The following LDB2 variants were observed in gnomAD, a reference collection of about 807,000 sequenced individuals.
LDB2 encodes LIM domain-binding protein 2.
A neutral mutation model predicts 44.3 loss-of-function variants in LDB2; 12 were observed. The ratio of observed to expected loss-of-function variants is 0.27; its 90% CI spans 0.17 to 0.44. The LOEUF (loss-of-function observed/expected upper bound fraction) is 0.44. Ranked by LOEUF, LDB2 falls within the 20% of genes least tolerant of loss-of-function variation. The pLI is 1.00. For synonymous variants in LDB2, 164 were observed against 174.8 expected, an observed-to-expected ratio of 0.94 and a Z score of 0.49; for missense variants, 344 against 473.5, an observed-to-expected ratio of 0.73 and a Z score of 2.54.
intron 1 of LDB2, among the ~76,000 whole-genome samples, chr4:16,782,645 C>T (rs568654261): frequency 6.6e-6 from 1 of 152,268 alleles, no homozygotes; most frequent in South Asian, 2.1e-4. Flanking sequence ...CCACCACGCC[C>T]AGCAAAATAA....
chr4:16,664,124 G>T (rs1742368487), intron 2 of LDB2, among the ~76,000 whole-genome samples: 1 of 152,210 alleles, frequency 6.6e-6, no homozygotes, highest in Non-Finnish European at 1.5e-5. Context: ...CAAGATGATG[G>T]TATTAGGAGG....
At chr4:16,801,396 CA>C (rs909809020) in intron 1 of LDB2, among the ~76,000 whole-genome samples, 4 of 151,704 alleles carry the variant, frequency 2.6e-5, no homozygotes, top group African/African-American at 4.8e-5. Flanking sequence ...CAGTGAGACT[CA>C]AAAAAAACTT....
intron 2 of LDB2, among the ~76,000 whole-genome samples, chr4:16,617,105 G>A (rs1727542185): frequency 6.6e-6 from 1 of 152,104 alleles, no homozygotes; most frequent in Non-Finnish European, 1.5e-5. Context: ...AAGGAAGTTG[G>A]AAAGGCAAAG....
intron 5 of LDB2, among the ~76,000 whole-genome samples, chr4:16,520,142 C>G (rs1269903130): frequency 6.6e-6 from 1 of 152,052 alleles, no homozygotes; most frequent in Non-Finnish European, 1.5e-5. Flanking sequence ...CTCCCCGCCG[C>G]CCCACCGCCA....
intron 2 of LDB2, among the ~76,000 whole-genome samples, chr4:16,733,667 G>T (rs899205979): frequency 3.3e-5 from 5 of 152,180 alleles, no homozygotes; most frequent in Non-Finnish European, 7.3e-5. Flanking sequence ...TGGCACCAGC[G>T]AATTCAGGTT....
At chr4:16,699,794 T>C (rs1753025080) in intron 2 of LDB2, among the ~76,000 whole-genome samples, 1 of 152,128 alleles carries the variant, frequency 6.6e-6, no homozygotes, top group South Asian at 2.1e-4. Flanking sequence ...CCTCTCTGAG[T>C]AGGGAACACA....
At chr4:16,622,586 C>T (rs1496750) in intron 2 of LDB2, among the ~76,000 whole-genome samples, 68,335 of 151,986 alleles carry the variant, frequency 0.45, 15,579 homozygotes, top group East Asian at 0.67. Flanking sequence ...TTCAGCTTTT[C>T]CTCTGCAGAT....
intron 1 of LDB2, chr4:16,892,978 T>G (rs1278666896): frequency 2.1e-5 from 9 of 420,286 alleles, no homozygotes; most frequent in Non-Finnish European, 2.9e-5. Flanking sequence ...AATAGTTAGT[T>G]TGCAGCAATT....
At chr4:16,650,708 G>C (rs13117535) in intron 2 of LDB2, among the ~76,000 whole-genome samples, 29,033 of 152,102 alleles carry the variant, frequency 0.19, 2,795 homozygotes, top group South Asian at 0.27. Context: ...AACACATTGA[G>C]AGACACCCCC....
Position 16,579,067 on chromosome 4 carries a change from G to A in LDB2, c.615+6855C>T, listed in dbSNP as rs1713137660. ...AAGGGTCAGGGTGGCGGAAAAGGAG[G>A]ATGGTTAATTGGTGCCCAAACAGAG... On this transcript the variant is annotated intron_variant, in intron 5 of 7. Transcript: ENST00000304523. Among the ~76,000 whole-genome samples the A allele has an allele frequency of 7.2e-5, 11 of 152,292 alleles. No individual in the cohort carries two copies. The South Asian group carries it at 2.3e-3, about 32-fold the overall frequency.
chr4:16,689,455 A>T (rs1750075944), intron 2 of LDB2, among the ~76,000 whole-genome samples: 1 of 152,238 alleles, frequency 6.6e-6, no homozygotes, highest in Non-Finnish European at 1.5e-5. Context: ...GCTATCCAAT[A>T]CAGTTATGCA....
chr4:16,830,255 G>T (rs765674844), intron 1 of LDB2, among the ~76,000 whole-genome samples: 1 of 152,154 alleles, frequency 6.6e-6, no homozygotes, highest in Non-Finnish European at 1.5e-5. Flanking sequence ...TGGATCATGC[G>T]GGTGGTTTCC....
At chr4:16,685,503 A>G (rs1054392337) in intron 2 of LDB2, among the ~76,000 whole-genome samples, 20 of 152,148 alleles carry the variant, frequency 1.3e-4, no homozygotes, top group African/African-American at 4.6e-4. Context: ...CATAAACTCT[A>G]TAAGGCTCCA....
chr4:16,508,748 G>T, intron 6 of LDB2, 62 bp from the exon 7 acceptor site: 1 of 1,519,610 alleles, frequency 6.6e-7, no homozygotes, highest in Non-Finnish European at 8.9e-7. Flanking sequence ...GCAATCATCA[G>T]TATGGTTACT....
chr4:16,716,360 T>C (rs1757076163), intron 2 of LDB2, among the ~76,000 whole-genome samples: 1 of 152,138 alleles, frequency 6.6e-6, no homozygotes. Context: ...GAATAATACA[T>C]AGAATATTTG....
chr4:16,541,885 A>G (rs560502873), intron 5 of LDB2, among the ~76,000 whole-genome samples: 82 of 151,236 alleles, frequency 5.4e-4, no homozygotes, highest in African/African-American at 1.9e-3. Context: ...TCTCTATTGA[A>G]AAGGTTTTTT....
At chr4:16,897,932 A>ACACATATG (rs1725699355) in intron 1 of LDB2, among the ~76,000 whole-genome samples, 1 of 17,720 alleles carries the variant, frequency 5.6e-5, no homozygotes, top group Non-Finnish European at 9.0e-5. Flanking sequence ...ATATATATAT[A>ACACATATG]TATATACACA....
chr4:16,582,430 T>C lies in LDB2; in HGVS notation c.615+3492A>G, dbSNP rs1270630341. Among the ~76,000 whole-genome samples the C allele has an allele frequency of 6.6e-6, 1 of 152,088 alleles. No individual in the cohort carries two copies. The highest frequency in any genetic ancestry group is 2.4e-5 in the African/African-American group (1 of 41,400). On this transcript the variant is annotated intron_variant, in intron 5 of 7. Transcript: ENST00000304523. This position sits in a 1 kb window ranked among gnomAD's most constrained non-coding sequence, Gnocchi z 4.8. Reference sequence around the variant, plus strand: ...CCAGGCGGACAACAGGACTTCTGCTTCCCAACAAACAAGGCAAAGGACACA... The same window carrying C: ...CCAGGCGGACAACAGGACTTCTGCTCCCCAACAAACAAGGCAAAGGACACA...
intron 2 of LDB2, among the ~76,000 whole-genome samples, chr4:16,657,322 A>C (rs1740162827): frequency 6.6e-6 from 1 of 152,170 alleles, no homozygotes; most frequent in Non-Finnish European, 1.5e-5. Flanking sequence ...ATATGTCCAG[A>C]ATCAGTCCCA....
Sources: allele counts gnomAD v4.1 joint callset (sites outside exome capture counted in the v4.1 genomes callset), GRCh38; gene constraint gnomAD v4.1.1; non-coding constraint Gnocchi (gnomAD v3.1); transcripts MANE v1.5; gene names NCBI Gene and HGNC (gene_info 2026-07-23, HGNC 2026-07-21).